The following PCDHA8 variants were observed in gnomAD, a reference collection of about 807,000 sequenced individuals.
PCDHA8 encodes the protein protocadherin alpha 8.
A neutral mutation model predicts 61.8 loss-of-function variants in PCDHA8; 53 were observed. The observed-to-expected ratio is 0.86, with a 90% CI of 0.69 to 1.08. The LOEUF (loss-of-function observed/expected upper bound fraction) is 1.08, where lower values mean the gene tolerates loss of function less well. Among genes scored for constraint, PCDHA8 ranks in the 50% least tolerant of loss-of-function variants. The probability of loss-of-function intolerance (pLI) is 0.00; values close to 1 mark genes in which losing one functional copy is unlikely to be tolerated. For synonymous variants in PCDHA8, 618 were observed against 556.6 expected (o/e 1.11, Z -1.55); for missense variants, 1,293 against 1,245.0 (o/e 1.04, Z -0.58).
At chr5:140,914,962 T>C (rs1301307235) in intron 1 of PCDHA8, among the ~76,000 whole-genome samples, 2 of 136,964 alleles carry the variant, frequency 1.5e-5, no homozygotes, top group Non-Finnish European at 3.2e-5. Flanking sequence ...TTTTTTTTTT[T>C]CTGAGTCAGA....
At chr5:140,854,832 T>C (rs1167287485) in intron 1 of PCDHA8, among the ~76,000 whole-genome samples, 8 of 149,892 alleles carry the variant, frequency 5.3e-5, no homozygotes, top group African/African-American at 2.0e-4. Context: ...ATGAAAAACT[T>C]CACTGACATT....
intron 1 of PCDHA8, among the ~76,000 whole-genome samples, chr5:140,844,362 T>G (rs1209255757): frequency 6.7e-6 from 1 of 149,512 alleles, no homozygotes; most frequent in African/African-American, 2.4e-5. Context: ...GGGAAGAGAT[T>G]TGTAATCCTT....
At position 140,843,709 on chromosome 5, in the gene PCDHA8, C is replaced by A; in HGVS notation, c.2388C>A (p.Gly796=). ...GEEQDLNVDH[G]LKPRQPNPDW... ...AGCAAGATTTAAATGTTGATCATGG[C>A]CTCAAAGTAAGTCCATTTAAATTTA... is the stretch of plus-strand genomic sequence containing the variant. The change falls in exon 1 of 4, where the codon GGC becomes GGA. Residue 796 remains glycine (G), a synonymous_variant. Transcript: ENST00000531613. 6.3e-7 allele frequency: 1 copy of A among 1,574,864 alleles called. No individual in the cohort carries two copies. Among genetic ancestry groups the A allele is most frequent in the Non-Finnish European group, 8.7e-7 (1 of 1,147,320 alleles).
At chr5:140,878,571 A>G (rs531090803) in intron 1 of PCDHA8, among the ~76,000 whole-genome samples, 48 of 152,346 alleles carry the variant, frequency 3.2e-4, no homozygotes, top group African/African-American at 1.1e-3. Context: ...ATCATAGTAT[A>G]CCACTGCCCT....
At chr5:140,869,790 A>G (rs782009264) in intron 1 of PCDHA8, 4 of 1,612,954 alleles carry the variant, frequency 2.5e-6, no homozygotes, top group African/African-American at 1.3e-5. Context: ...TTCGGCTGTT[A>G]GTCCAAGTCT....
At chr5:140,908,971 C>T (rs2074247509) in intron 1 of PCDHA8, among the ~76,000 whole-genome samples, 1 of 152,274 alleles carries the variant, frequency 6.6e-6, no homozygotes, top group Admixed American at 6.5e-5. Flanking sequence ...TGATAGGCCC[C>T]ACTCCACTGG....
At chr5:140,918,846 C>T (rs1261805257) in intron 1 of PCDHA8, among the ~76,000 whole-genome samples, 1 of 152,140 alleles carries the variant, frequency 6.6e-6, no homozygotes, top group African/African-American at 2.4e-5. Flanking sequence ...ACTAAATCTG[C>T]TGGTGCCTGA....
At chr5:140,927,133 G>A (rs2083881073) in intron 1 of PCDHA8, 16 of 1,613,984 alleles carry the variant, frequency 9.9e-6, no homozygotes, top group Non-Finnish European at 1.4e-5. Context: ...CAGAGAGCCG[G>A]CGGACCGCGA....
intron 1 of PCDHA8, among the ~76,000 whole-genome samples, chr5:140,891,303 T>C (rs1007949282): frequency 6.6e-6 from 1 of 152,178 alleles, no homozygotes; most frequent in Non-Finnish European, 1.5e-5. Flanking sequence ...GGTATTTGAT[T>C]ACATGAGTAA....
In PCDHA8 at chr5:140,882,349, T is replaced by G. The variant is rs782020720; in HGVS notation, c.2394+38634T>G. On this transcript the variant is annotated intron_variant, in intron 1 of 3. Transcript: ENST00000531613. ...TGATCCTCGCAGCCTGGGAGACGGG[T>G]AGTGGCCAGCTCCACTACTCCGTCC... 9 of 1,613,872 alleles carry G rather than the reference T, an allele frequency of 5.6e-6. No individual in the cohort carries two copies. The Admixed American group carries it at 1.3e-4, about 24-fold the overall frequency.
chr5:140,972,660 ATTTTTTTTT>A (rs11350929), intron 1 of PCDHA8, among the ~76,000 whole-genome samples: 1 of 117,268 alleles, frequency 8.5e-6, no homozygotes, highest in Non-Finnish European at 1.7e-5. Flanking sequence ...AAGAAACCAA[ATTTTTTTTT>A]TTTTTTTTTT....
At chr5:140,895,485 C>A (rs2065029754) in intron 1 of PCDHA8, among the ~76,000 whole-genome samples, 1 of 152,114 alleles carries the variant, frequency 6.6e-6, no homozygotes, top group African/African-American at 2.4e-5. Flanking sequence ...GGAGAAATAC[C>A]TATTCAGAAC....
At chr5:140,880,514 T>A (rs2058367516) in intron 1 of PCDHA8, among the ~76,000 whole-genome samples, 1 of 152,198 alleles carries the variant, frequency 6.6e-6, no homozygotes, top group African/African-American at 2.4e-5. Context: ...TTTGGTCACA[T>A]CTCTCAATGT....
chr5:140,908,208 C>A (rs1477430085), intron 1 of PCDHA8, among the ~76,000 whole-genome samples: 8 of 152,136 alleles, frequency 5.3e-5, no homozygotes, highest in Non-Finnish European at 1.0e-4. Context: ...TCATGCAGAA[C>A]CATCTGTGAA....
chr5:140,883,068 C>T lies in PCDHA8; in HGVS notation c.2394+39353C>T, dbSNP rs782726947. The stretch of plus-strand genomic sequence containing the variant: ...ACATTAGTGATCAAGCTAAATGCCA[C>T]AGATCCTGATGATGGTACAAATGGA... On this transcript the variant is annotated intron_variant, in intron 1 of 3. Coordinates refer to ENST00000531613, the MANE Select transcript of PCDHA8 (RefSeq NM_018911.3). The T allele has an allele frequency of 1.4e-5, 23 of 1,614,130 alleles. No homozygotes were observed. The highest frequency in any genetic ancestry group is 1.9e-5 in the Non-Finnish European group (23 of 1,180,028).
At position 140,883,814 on chromosome 5, in the gene PCDHA8, A is replaced by C. The variant is rs782678422; in HGVS notation, c.2394+40099A>C. 6.2e-7 allele frequency: 1 copy of C among 1,612,478 alleles called. No homozygotes were observed. ...CGTGTCGGTGCACGCGGAGAGCGGC[A>C]AGGTGTACGCGCTGCAGCCGTTGGA... On this transcript the variant is annotated intron_variant, in intron 1 of 3. Coordinates refer to ENST00000531613, the MANE Select transcript of PCDHA8 (RefSeq NM_018911.3).
At chr5:140,928,134 G>T in intron 1 of PCDHA8, 1 of 1,614,180 alleles carries the variant, frequency 6.2e-7, no homozygotes, top group Non-Finnish European at 8.5e-7. Flanking sequence ...ACCAAGTCCT[G>T]ATCACGGCCT....
chr5:140,950,862 A>G (rs2094526538), intron 1 of PCDHA8, among the ~76,000 whole-genome samples: 1 of 151,952 alleles, frequency 6.6e-6, no homozygotes, highest in African/African-American at 2.4e-5. Context: ...ATATTCTTGT[A>G]TATTCTATAT....
chr5:140,927,705 C>T (rs2084535217), intron 1 of PCDHA8: 1 of 1,614,100 alleles, frequency 6.2e-7, no homozygotes, highest in African/African-American at 1.3e-5. Flanking sequence ...TCCAGTACTC[C>T]CTAAGCAACA....
Sources: allele counts gnomAD v4.1 joint callset (sites outside exome capture counted in the v4.1 genomes callset), GRCh38; gene constraint gnomAD v4.1.1; transcripts MANE v1.5; gene names NCBI Gene and HGNC (gene_info 2026-07-23, HGNC 2026-07-21).